BCKDHA: variants seen among roughly 807,000 people sequenced by gnomAD.
The protein encoded by BCKDHA is 2-oxoisovalerate dehydrogenase subunit alpha, mitochondrial.
A neutral mutation model predicts 52.2 loss-of-function variants in BCKDHA; 43 were observed. That is an observed-to-expected ratio of 0.82 (90% confidence interval 0.64 to 1.06). The LOEUF (loss-of-function observed/expected upper bound fraction) is 1.06. BCKDHA is among the 50% of genes least tolerant of loss of function. The pLI is 0.00. For synonymous variants in BCKDHA, 234 were observed against 247.9 expected, an observed-to-expected ratio of 0.94 and a Z score of 0.53; for missense variants, 527 against 621.3, an observed-to-expected ratio of 0.85 and a Z score of 1.61.
chr19:41,407,300 C>T lies in BCKDHA; in HGVS notation c.109-3337C>T, dbSNP rs184902748. 5.3e-5 allele frequency among the ~76,000 whole-genome samples: 8 copies of T among 152,270 alleles called. No homozygotes were observed. The East Asian group carries it at 1.5e-3, about 29-fold the overall frequency. The stretch of plus-strand genomic sequence containing the variant: ...GAGGTGAAGTGTTTTTGCAGAGAGC[C>T]ACACAATGAGCTAAGAAATTAGAAC... On this transcript the variant is annotated intron_variant, in intron 1 of 8. Coordinates refer to ENST00000269980, the MANE Select transcript of BCKDHA (RefSeq NM_000709.4).
Position 41,397,857 on chromosome 19 carries a change from C to T in BCKDHA, c.30C>T (p.Val10=), listed in dbSNP as rs2123232613. 1 of 1,614,192 alleles carries T rather than the reference C, an allele frequency of 6.2e-7. No individual in the cohort carries two copies. Among genetic ancestry groups the T allele is most frequent in the South Asian group, 1.1e-5 (1 of 91,084 alleles). Residue 10 remains valine, a synonymous_variant, in exon 1 of 9, where the codon GTC becomes GTT. Transcript: ENST00000269980. ...CGGTAGCGATCGCTGCAGCGAGGGT[C>T]TGGCGGCTAAACCGTGGTTTGAGCC... MAVAIAAAR[V]WRLNRGLSQA...
intron 4 of BCKDHA, among the ~76,000 whole-genome samples, chr19:41,418,533 GA>G (rs1203950004): frequency 9.2e-6 from 1 of 108,328 alleles, no homozygotes; most frequent in Admixed American, 9.3e-5. Context: ...TCATAATGAT[GA>G]TTTTTTTTTT....
At position 41,424,521 on chromosome 19, in the gene BCKDHA, C is replaced by G. The variant is rs147021347; in HGVS notation, c.1251C>G (p.Pro417=). The G allele has an allele frequency of 6.2e-7, 1 of 1,614,118 alleles. No individual in the cohort carries two copies. The highest frequency in any genetic ancestry group is 2.2e-5 in the East Asian group (1 of 44,876). Residue 417 remains proline, a synonymous_variant, in exon 9 of 9, where the codon CCC becomes CCG. Coordinates refer to ENST00000269980, the MANE Select transcript of BCKDHA (RefSeq NM_000709.4). ...LLFSDVYQEM[P]AQLRKQQESL... The stretch of plus-strand genomic sequence containing the variant: ...TCTCAGACGTGTATCAGGAGATGCC[C>G]GCCCAGCTCCGCAAGCAGCAGGAGT...
Position 41,422,748 on chromosome 19 carries a change from C to T in BCKDHA, c.973C>T (p.Leu325Phe), listed in dbSNP as rs2039382549. Residue 325 changes from leucine (L) to phenylalanine (F), a missense_variant, in exon 7 of 9, where the codon CTC becomes TTC. Leu to Phe is a conservative substitution (Grantham distance 22). Transcript: ENST00000269980. ...RRAVAENQPFLIEAMTYRIGH... is the reference protein window; with the variant it reads ...RRAVAENQPFFIEAMTYRIGH... ...GGCTGTGGCAGAGAACCAGCCCTTC[C>T]TCATCGAGGCCATGACCTACAGGTG... The T allele has an allele frequency of 5.0e-6, 8 of 1,613,708 alleles. No individual in the cohort carries two copies. Among genetic ancestry groups the T allele is most frequent in the Non-Finnish European group, 5.9e-6 (7 of 1,180,028 alleles).
chr19:41,407,229 T>C (rs1006612277), intron 1 of BCKDHA, among the ~76,000 whole-genome samples: 1 of 152,168 alleles, frequency 6.6e-6, no homozygotes, highest in African/African-American at 2.4e-5. Flanking sequence ...CTTAGCAACT[T>C]TTCACGTGGT....
chr19:41,414,164 C>T lies in BCKDHA; in HGVS notation c.484+7C>T. ...GGCCAGTACCGGGAGGCAGGTACGT[C>T]TGTCCGTGGTTTGGCCCTGTGGTCC... is the stretch of plus-strand genomic sequence containing the variant. On this transcript the variant is annotated splice_region_variant and intron_variant, in intron 4 of 8. Coordinates refer to ENST00000269980, the MANE Select transcript of BCKDHA (RefSeq NM_000709.4). 1 of 1,612,922 alleles carries T rather than the reference C, an allele frequency of 6.2e-7. No individual in the cohort carries two copies. Among genetic ancestry groups the T allele is most frequent in the Non-Finnish European group, 8.5e-7 (1 of 1,179,542 alleles).
At position 41,424,407 on chromosome 19, in the gene BCKDHA, C is replaced by T. The variant is rs398123487; in HGVS notation, c.1168-31C>T. The T allele has an allele frequency of 6.2e-7, 1 of 1,613,060 alleles. No homozygotes were observed. Among genetic ancestry groups the T allele is most frequent in the Middle Eastern group, 1.6e-4 (1 of 6,062 alleles). ...AGCAGGGTCCTGCATGGGAGGCCGG[C>T]TAGCCTGCCCACTGCCCCATGTCCC... On this transcript the variant is annotated intron_variant, in intron 8 of 8. Transcript: ENST00000269980.
chr19:41,417,178 A>ATT (rs143101414), intron 4 of BCKDHA, among the ~76,000 whole-genome samples: 41 of 149,952 alleles, frequency 2.7e-4, no homozygotes, highest in Admixed American at 2.2e-3. Context: ...CACCTGGCTA[A>ATT]TTTTTTTTTT....
At chr19:41,416,447 A>G (rs4803468) in intron 4 of BCKDHA, among the ~76,000 whole-genome samples, 99,891 of 152,134 alleles carry the variant, frequency 0.66, 33,859 homozygotes, top group African/African-American at 0.82. Flanking sequence ...TGAGTCAACA[A>G]AGGTGAGGTC....
Position 41,422,261 on chromosome 19 carries a change from C to T in BCKDHA, c.744C>T (p.Ala248=), listed in dbSNP as rs137960127. The T allele has an allele frequency of 2.8e-4, 445 of 1,614,092 alleles. 1 individual carries two copies. The highest frequency in any genetic ancestry group is 3.5e-4 in the Non-Finnish European group (411 of 1,180,016). The change falls in exon 6 of 9, where the codon GCC becomes GCT. Residue 248 remains alanine, a synonymous_variant. Coordinates refer to ENST00000269980, the MANE Select transcript of BCKDHA (RefSeq NM_000709.4). ...CAGCCAGTGAGGGGGACGCCCATGC[C>T]GGCTTCAACTTCGCTGCCACACTTG... ...EGAASEGDAH[A]GFNFAATLEC...
intron 5 of BCKDHA, 70 bp downstream of exon 5, chr19:41,419,366 TTTTG>T: frequency 6.5e-7 from 1 of 1,540,172 alleles, no homozygotes; most frequent in South Asian, 1.2e-5. Flanking sequence ...GCCTCAGCTC[TTTTG>T]CCTGCCTTCT....
At chr19:41,406,879 A>G (rs1362204632) in intron 1 of BCKDHA, among the ~76,000 whole-genome samples, 5 of 152,002 alleles carry the variant, frequency 3.3e-5, no homozygotes, top group Non-Finnish European at 5.9e-5. Context: ...CTTCCTGGCT[A>G]ATTTAAAAAT....
intron 8 of BCKDHA, among the ~76,000 whole-genome samples, chr19:41,423,468 C>A (rs2039392745): frequency 6.6e-6 from 1 of 151,636 alleles, no homozygotes; most frequent in African/African-American, 2.4e-5. Context: ...GCCGAGGTGG[C>A]AGATCACTTG....
intron 5 of BCKDHA, among the ~76,000 whole-genome samples, chr19:41,421,255 A>G (rs1451051571): frequency 6.6e-6 from 1 of 152,206 alleles, no homozygotes; most frequent in Non-Finnish European, 1.5e-5. Context: ...TGCAGGGAAC[A>G]AAAGCAACGC....
At position 41,410,985 on chromosome 19, in the gene BCKDHA, C is replaced by T. The variant is rs573976272; in HGVS notation, c.351C>T (p.Arg117=). ...KSMTLLNTMD[R]ILYESQRQGR... is the part of the protein sequence containing the mutation. ...TGACACTGCTTAACACCATGGACCGCATCCTCTATGAGTCTCAGCGGCAGG... is the reference window on the plus strand; with the variant it reads ...TGACACTGCTTAACACCATGGACCGTATCCTCTATGAGTCTCAGCGGCAGG... Residue 117 remains arginine, a synonymous_variant, in exon 3 of 9, where the codon CGC becomes CGT. Transcript: ENST00000269980. The T allele has an allele frequency of 7.3e-5, 118 of 1,614,060 alleles. No individual in the cohort carries two copies. The highest frequency in any genetic ancestry group is 9.7e-5 in the Non-Finnish European group (114 of 1,180,054).
chr19:41,422,155 C>A lies in BCKDHA; in HGVS notation c.647-9C>A, dbSNP rs1240447478. 1.2e-6 allele frequency: 2 copies of A among 1,612,196 alleles called. No individual in the cohort carries two copies. The highest frequency in any genetic ancestry group is 1.7e-5 in the Admixed American group (1 of 59,858). On this transcript the variant is annotated splice_polypyrimidine_tract_variant and intron_variant, in intron 5 of 8. Transcript: ENST00000269980. ...CCGCCCCTGCTCACCACCCTCTCAT[C>A]CCCTGCAGCGGTGGGGGCGGCGTAC... is the stretch of plus-strand genomic sequence containing the variant.
chr19:41,400,273 T>C (rs1455644047), intron 1 of BCKDHA: 1 of 149,988 alleles, frequency 6.7e-6, no homozygotes, highest in Admixed American at 6.7e-5. Flanking sequence ...GGAGTCTTGC[T>C]CTGTCACCCA....
chr19:41,397,834 G>A lies in BCKDHA; in HGVS notation c.7G>A (p.Val3Ile), dbSNP rs1399317375. Reference protein sequence around the residue: MAVAIAAARVWRL... With the variant: MAIAIAAARVWRL... ...TGAGTGGTTGTTAGCCAAGATGGCGGTAGCGATCGCTGCAGCGAGGGTCTG... is the reference window on the plus strand; with the variant it reads ...TGAGTGGTTGTTAGCCAAGATGGCGATAGCGATCGCTGCAGCGAGGGTCTG... Residue 3 changes from valine to isoleucine, a missense_variant, in exon 1 of 9, where the codon GTA becomes ATA. Physicochemically the swap from Val to Ile is conservative, Grantham distance 29. Transcript: ENST00000269980. The A allele has an allele frequency of 6.2e-7, 1 of 1,614,146 alleles. No individual in the cohort carries two copies. The highest frequency in any genetic ancestry group is 1.3e-5 in the African/African-American group (1 of 75,068).
At chr19:41,423,660 C>T (rs925713546) in intron 8 of BCKDHA, among the ~76,000 whole-genome samples, 5 of 152,110 alleles carry the variant, frequency 3.3e-5, no homozygotes, top group African/African-American at 4.8e-5. Context: ...GGTGAAACCT[C>T]GTCTCTAATA....
Sources: allele counts gnomAD v4.1 joint callset (sites outside exome capture counted in the v4.1 genomes callset), GRCh38; gene constraint gnomAD v4.1.1; transcripts MANE v1.5; gene names NCBI Gene and HGNC (gene_info 2026-07-23, HGNC 2026-07-21).